Variants in KIRREL3 observed in about 807,000 individuals in gnomAD.
KIRREL3 encodes kin of IRRE-like protein 3.
In KIRREL3, 36 loss-of-function variants were observed where a neutral mutation model predicts 89.7. The ratio of observed to expected loss-of-function variants is 0.40; its 90% CI spans 0.31 to 0.53. KIRREL3 has a LOEUF of 0.53. Among genes scored for constraint, KIRREL3 ranks in the 20% least tolerant of loss-of-function variants. The pLI is 0.49. For missense variants in KIRREL3, 864 were observed against 1,056.6 expected (o/e 0.82, Z 2.53); for synonymous variants, 445 against 441.4 (o/e 1.01, Z -0.10).
At chr11:126,436,617 G>A (rs1444101411) in intron 12 of KIRREL3, among the ~76,000 whole-genome samples, 194 bp downstream of exon 12, 1 of 152,218 alleles carries the variant, frequency 6.6e-6, no homozygotes, top group Non-Finnish European at 1.5e-5. Context: ...GTGGAGGCTC[G>A]TGCCCCTTGC....
intron 1 of KIRREL3, among the ~76,000 whole-genome samples, chr11:126,873,157 A>G (rs1945163748): frequency 6.6e-6 from 1 of 152,234 alleles, no homozygotes; most frequent in Non-Finnish European, 1.5e-5. Context: ...ATATAATAAT[A>G]TAATTAAGAT....
At chr11:126,665,539 C>A (rs1004532821) in intron 1 of KIRREL3, among the ~76,000 whole-genome samples, 5 of 152,084 alleles carry the variant, frequency 3.3e-5, no homozygotes, top group African/African-American at 9.7e-5. Flanking sequence ...AAATTAGTGA[C>A]CTTGTGAAAG....
rs78846028 is a variant in KIRREL3, at chr11:126,711,809, T to G, written c.56-148897A>C. ...GATGCTGTGCCAGCAAAGGGCTTCT[T>G]CAAGCCACAGAGCCTCCCCTCCCAG... is the stretch of plus-strand genomic sequence containing the variant. On this transcript the variant is annotated intron_variant, in intron 1 of 16. Coordinates refer to ENST00000525144, the MANE Select transcript of KIRREL3 (RefSeq NM_032531.4). 3.8e-3 allele frequency among the ~76,000 whole-genome samples: 580 copies of G among 152,312 alleles called. 2 individuals are homozygous for G. The highest frequency in any genetic ancestry group is 0.013 in the African/African-American group (554 of 41,568).
At position 126,748,148 on chromosome 11, in the gene KIRREL3, A is replaced by G. The variant is rs1949215593; in HGVS notation, c.56-185236T>C. ...ATTGTTTTTATGTTATTCCCGTTCC[A>G]GTGACTTCAGAGGTGGCCCAGGGCC... On this transcript the variant is annotated intron_variant, in intron 1 of 16. Coordinates refer to ENST00000525144, the MANE Select transcript of KIRREL3 (RefSeq NM_032531.4). This position sits in a 1 kb window ranked among gnomAD's most constrained non-coding sequence, Gnocchi z 4.6. Among the ~76,000 whole-genome samples, 1 of 152,154 alleles carries G rather than the reference A, an allele frequency of 6.6e-6. No homozygotes were observed. Among genetic ancestry groups the G allele is most frequent in the Non-Finnish European group, 1.5e-5 (1 of 68,028 alleles).
chr11:126,572,060 C>T (rs1235915035), intron 1 of KIRREL3, among the ~76,000 whole-genome samples: 2 of 152,236 alleles, frequency 1.3e-5, no homozygotes, highest in Admixed American at 6.5e-5. Context: ...AGATGCTCGA[C>T]AGCTATGTGT....
intron 1 of KIRREL3, among the ~76,000 whole-genome samples, chr11:126,821,573 T>C (rs1943229016): frequency 6.6e-6 from 1 of 151,968 alleles, no homozygotes; most frequent in African/African-American, 2.4e-5. Context: ...GGCAGAATAA[T>C]GTACCCCCTC....
Position 126,553,232 on chromosome 11 carries a change from A to G in KIRREL3, c.133+9603T>C, listed in dbSNP as rs1838159834. Among the ~76,000 whole-genome samples the G allele has an allele frequency of 6.6e-6, 1 of 152,110 alleles. No homozygotes were observed. Among genetic ancestry groups the G allele is most frequent in the African/African-American group, 2.4e-5 (1 of 41,366 alleles). ...CCCTTGGTCTGAAGAAATGATGGTC[A>G]GCTGTCCAAATGCATACAATATCTT... On this transcript the variant is annotated intron_variant, in intron 2 of 16. Transcript: ENST00000525144. The surrounding 1 kb of genome is among the most constrained non-coding windows in gnomAD (Gnocchi z 4.7).
At chr11:126,790,066 C>T (rs528646056) in intron 1 of KIRREL3, among the ~76,000 whole-genome samples, 1 of 152,332 alleles carries the variant, frequency 6.6e-6, no homozygotes, top group Admixed American at 6.5e-5. Context: ...GTCTTAGTAA[C>T]TAAAACCTCT....
intron 4 of KIRREL3, among the ~76,000 whole-genome samples, chr11:126,480,937 A>AGAACT (rs1156295239): frequency 6.6e-6 from 1 of 152,196 alleles, no homozygotes; most frequent in Admixed American, 6.5e-5. Flanking sequence ...GCCACAATGG[A>AGAACT]GAACTGCAGG....
rs767037575 is a variant in KIRREL3 at position 126,805,341 on chromosome 11, G to T, written c.55+195114C>A. Reference sequence around the variant, plus strand: ...AGCATTGATATGGAGAGGGAAAGGAGATTACCCTATTACAAGTCATACTGG... The same window carrying T: ...AGCATTGATATGGAGAGGGAAAGGATATTACCCTATTACAAGTCATACTGG... On this transcript the variant is annotated intron_variant, in intron 1 of 16. Coordinates refer to ENST00000525144, the MANE Select transcript of KIRREL3 (RefSeq NM_032531.4). This position sits in a 1 kb window ranked among gnomAD's most constrained non-coding sequence, Gnocchi z 4.3. 5.8e-4 allele frequency among the ~76,000 whole-genome samples: 89 copies of T among 152,250 alleles called. 1 individual carries two copies. In the Middle Eastern group the frequency reaches 0.031, roughly 52 times the overall value.
chr11:126,513,521 T>C lies in KIRREL3; in HGVS notation c.433+7794A>G, dbSNP rs1167684993. The stretch of plus-strand genomic sequence containing the variant: ...TTGCCTCCATCCCTGAGGGATCCTC[T>C]CTTCCTCCGGGCCTTGGAAGTCGTT... On this transcript the variant is annotated intron_variant, in intron 4 of 16. Coordinates refer to ENST00000525144, the MANE Select transcript of KIRREL3 (RefSeq NM_032531.4). The surrounding 1 kb of genome is among the most constrained non-coding windows in gnomAD (Gnocchi z 5.9). Among the ~76,000 whole-genome samples, 1 of 152,158 alleles carries C rather than the reference T, an allele frequency of 6.6e-6. No homozygotes were observed. The highest frequency in any genetic ancestry group is 2.4e-5 in the African/African-American group (1 of 41,436).
chr11:126,698,966 G>C (rs1487834278), intron 1 of KIRREL3, among the ~76,000 whole-genome samples: 2 of 152,232 alleles, frequency 1.3e-5, no homozygotes, highest in Non-Finnish European at 2.9e-5. Context: ...GCTGCCTGCA[G>C]GTTCTTCATC....
rs184023036 is a variant in KIRREL3, at chr11:126,619,640, G to A, written c.56-56728C>T. Among the ~76,000 whole-genome samples, 43 of 152,312 alleles carry A rather than the reference G, an allele frequency of 2.8e-4. 1 individual carries two copies. Among genetic ancestry groups the A allele is most frequent in the Non-Finnish European group, 4.3e-4 (29 of 68,024 alleles). Reference sequence around the variant, plus strand: ...GAGAATTACAAACCAGACTTTAGGCGGATTTGTAGTTAGGCATTGGCCAGG... The same window carrying A: ...GAGAATTACAAACCAGACTTTAGGCAGATTTGTAGTTAGGCATTGGCCAGG... On this transcript the variant is annotated intron_variant, in intron 1 of 16. Transcript: ENST00000525144.
In KIRREL3 at chr11:126,513,108, G is replaced by A. The variant is rs1024589220; in HGVS notation, c.433+8207C>T. Among the ~76,000 whole-genome samples, 14 of 152,156 alleles carry A rather than the reference G, an allele frequency of 9.2e-5. No homozygotes were observed. The highest frequency in any genetic ancestry group is 8.5e-4 in the Admixed American group (13 of 15,280). On this transcript the variant is annotated intron_variant, in intron 4 of 16. Transcript: ENST00000525144. The surrounding 1 kb of genome is among the most constrained non-coding windows in gnomAD (Gnocchi z 5.9). Reference sequence around the variant, plus strand: ...CAGAACTTCCCAGGGCTGCCCTGAAGAGCCTGTCTCTTGGTGATGGGGGTG... The same window carrying A: ...CAGAACTTCCCAGGGCTGCCCTGAAAAGCCTGTCTCTTGGTGATGGGGGTG...
intron 7 of KIRREL3, among the ~76,000 whole-genome samples, chr11:126,450,395 ATG>A (rs1164478627): frequency 1.7e-5 from 2 of 116,332 alleles, no homozygotes; most frequent in East Asian, 2.8e-4. Context: ...GAGTGTGGGT[ATG>A]TGTGAGTGTG....
At chr11:126,717,813 G>A (rs955007434) in intron 1 of KIRREL3, among the ~76,000 whole-genome samples, 1 of 152,218 alleles carries the variant, frequency 6.6e-6, no homozygotes, top group Admixed American at 6.5e-5. Flanking sequence ...ACCCTGCGCT[G>A]ATGTGTGGCA....
At chr11:126,880,609 C>A (rs1272246192) in intron 1 of KIRREL3, among the ~76,000 whole-genome samples, 3 of 150,084 alleles carry the variant, frequency 2.0e-5, no homozygotes, top group African/African-American at 7.3e-5. Flanking sequence ...TAACAATATC[C>A]TATTTTTCCT....
At chr11:126,497,519 C>G (rs2134356040) in intron 4 of KIRREL3, among the ~76,000 whole-genome samples, 1 of 152,310 alleles carries the variant, frequency 6.6e-6, no homozygotes, top group Non-Finnish European at 1.5e-5. Context: ...CGCACTCTTC[C>G]CAGAGCTGCT....
chr11:126,695,435 T>TAAA (rs1947054866), intron 1 of KIRREL3, among the ~76,000 whole-genome samples: 1 of 127,198 alleles, frequency 7.9e-6, no homozygotes. Flanking sequence ...AAAAAAAGAG[T>TAAA]CTCTAAGTCA....
Sources: gnomAD v4.1 joint callset for allele counts (sites outside exome capture counted in the v4.1 genomes callset) on GRCh38, gnomAD v4.1.1 for gene constraint, Gnocchi (gnomAD v3.1) non-coding constraint, MANE v1.5 for transcripts, NCBI Gene and HGNC (gene_info 2026-07-23, HGNC 2026-07-21) for gene names.